SPMIP2: variants seen among roughly 807,000 people sequenced by gnomAD.
SPMIP2 encodes protein SPMIP2.
At chr4:158,912,496 G>T in the SPMIP2 span, among the ~76,000 whole-genome samples, 1 of 152,170 alleles carries the variant, frequency 6.6e-6, no homozygotes, top group Middle Eastern at 3.2e-3. Flanking sequence ...TCAGTGCCTG[G>T]TTCTGATTCT....
At chr4:158,995,709 T>C in the SPMIP2 span, among the ~76,000 whole-genome samples, 1 of 151,908 alleles carries the variant, frequency 6.6e-6, no homozygotes, top group South Asian at 2.1e-4. Context: ...ATACAAAAAT[T>C]AGCTGGGCGT....
chr4:158,893,580 G>T, the SPMIP2 span: 3 of 808,598 alleles, frequency 3.7e-6, no homozygotes, highest in Non-Finnish European at 5.9e-6. Context: ...GCGTACTCTT[G>T]CAAGACATCT....
At chr4:159,048,457 G>T in the SPMIP2 span, among the ~76,000 whole-genome samples, 1 of 152,000 alleles carries the variant, frequency 6.6e-6, no homozygotes, top group Non-Finnish European at 1.5e-5. Context: ...TTGTCTTCTC[G>T]TCTTTCACAA....
At chr4:158,995,622 G>T in the SPMIP2 span, among the ~76,000 whole-genome samples, 4 of 152,166 alleles carry the variant, frequency 2.6e-5, no homozygotes, top group African/African-American at 9.6e-5. Context: ...ACTTTGGGAG[G>T]CCGAGGCAGG....
the SPMIP2 span, among the ~76,000 whole-genome samples, chr4:158,894,026 A>C: frequency 1.3e-5 from 2 of 152,228 alleles, no homozygotes; most frequent in Non-Finnish European, 2.9e-5. Flanking sequence ...AGAACCTTCA[A>C]TACAAAAAGA....
At chr4:158,995,642 A>C in the SPMIP2 span, among the ~76,000 whole-genome samples, 1 of 152,082 alleles carries the variant, frequency 6.6e-6, no homozygotes, top group Non-Finnish European at 1.5e-5. Flanking sequence ...GTGGATCACA[A>C]GGTCAACAGA....
At chr4:158,973,407 A>G in the SPMIP2 span, 1 of 718,524 alleles carries the variant, frequency 1.4e-6, no homozygotes, top group Non-Finnish European at 2.3e-6. Flanking sequence ...CAATAATTAT[A>G]TGGTACTTAC....
the SPMIP2 span, chr4:158,906,518 A>G: frequency 2.0e-5 from 3 of 152,202 alleles, no homozygotes; most frequent in African/African-American, 4.8e-5. Flanking sequence ...TCTAAACTCT[A>G]TACATTAAAA....
At chr4:158,988,612 A>G in the SPMIP2 span, among the ~76,000 whole-genome samples, 1 of 152,188 alleles carries the variant, frequency 6.6e-6, no homozygotes, top group African/African-American at 2.4e-5. Context: ...GTAATCCATC[A>G]CATAAACACA....
At chr4:158,977,625 T>TTTTTTTTTTTTTTTTC in the SPMIP2 span, among the ~76,000 whole-genome samples, 2 of 104,338 alleles carry the variant, frequency 1.9e-5, no homozygotes, top group Non-Finnish European at 3.8e-5. Context: ...TTTTTTTTTT[T>TTTTTTTTTTTTTTTTC]TCTCTTTGAG....
At chr4:158,981,413 C>A in the SPMIP2 span, among the ~76,000 whole-genome samples, 1 of 151,980 alleles carries the variant, frequency 6.6e-6, no homozygotes, top group Non-Finnish European at 1.5e-5. Flanking sequence ...ATCAGAGTCA[C>A]CAAAGTTGAA....
chr4:158,959,221 C>T, the SPMIP2 span, among the ~76,000 whole-genome samples: 1 of 152,110 alleles, frequency 6.6e-6, no homozygotes, highest in South Asian at 2.1e-4. Context: ...ACCACCAATG[C>T]TTGTTGAAGT....
the SPMIP2 span, among the ~76,000 whole-genome samples, chr4:159,051,320 G>T: frequency 2.6e-5 from 4 of 152,108 alleles, no homozygotes; most frequent in Non-Finnish European, 4.4e-5. Context: ...AACTGCTTAA[G>T]ATTTCACATG....
At chr4:159,072,203 A>G in the SPMIP2 span, among the ~76,000 whole-genome samples, 2 of 152,122 alleles carry the variant, frequency 1.3e-5, no homozygotes, top group African/African-American at 2.4e-5. Context: ...AGTCATAGCC[A>G]CTCAGGAATC....
At chr4:159,019,557 G>A in the SPMIP2 span, among the ~76,000 whole-genome samples, 1 of 152,120 alleles carries the variant, frequency 6.6e-6, no homozygotes, top group Admixed American at 6.6e-5. Flanking sequence ...CTCTTTGCAC[G>A]TGGAAGTGGA....
chr4:158,957,484 T>C, the SPMIP2 span, among the ~76,000 whole-genome samples: 1 of 152,284 alleles, frequency 6.6e-6, no homozygotes, highest in Non-Finnish European at 1.5e-5. Context: ...TGGAGTACAG[T>C]GATACCATCT....
At chr4:159,049,748 C>A in the SPMIP2 span, among the ~76,000 whole-genome samples, 1 of 151,984 alleles carries the variant, frequency 6.6e-6, no homozygotes, top group East Asian at 1.9e-4. Context: ...ATCACCTGTT[C>A]TCAATTTTTT....
chr4:158,960,379 C>A, the SPMIP2 span: 3 of 1,308,492 alleles, frequency 2.3e-6, no homozygotes, highest in Middle Eastern at 1.9e-4. Flanking sequence ...ACCATAATTC[C>A]AAAGTAAAGA....
the SPMIP2 span, chr4:159,007,288 T>C: frequency 2.9e-6 from 3 of 1,026,844 alleles, no homozygotes; most frequent in African/African-American, 4.8e-5. Context: ...GTGGCTGACC[T>C]GACTTCCCTC....
Sources: gnomAD v4.1 joint callset for allele counts (sites outside exome capture counted in the v4.1 genomes callset) on GRCh38, gnomAD v4.1.1 for gene constraint, MANE v1.5 for transcripts, NCBI Gene and HGNC (gene_info 2026-07-23, HGNC 2026-07-21) for gene names.